PLB1: variants seen among roughly 807,000 people sequenced by gnomAD.
The protein encoded by PLB1 is phospholipase B1, membrane-associated.
PLB1 carries 242 observed loss-of-function variants against 227.4 expected under a neutral mutation model. The ratio of observed to expected loss-of-function variants is 1.06; its 90% CI spans 0.96 to 1.18. PLB1 has a LOEUF of 1.18. Ranked by LOEUF, PLB1 falls within the 50% of genes most tolerant of loss-of-function variation. The pLI, the probability that PLB1 is intolerant of heterozygous loss-of-function variation, is 0.00. For missense variants in PLB1, 1,858 were observed against 1,816.3 expected, an observed-to-expected ratio of 1.02 and a Z score of -0.42; for synonymous variants, 757 against 682.2, an observed-to-expected ratio of 1.11 and a Z score of -1.71.
At chr2:28,636,011 A>G (rs62129772) in intron 56 of PLB1, among the ~76,000 whole-genome samples, 47 of 98,590 alleles carry the variant, frequency 4.8e-4, no homozygotes, top group Admixed American at 1.5e-3. Flanking sequence ...ATGTGTATGT[A>G]TGTATGAATG....
At chr2:28,546,022 C>T (rs1673203112) in intron 14 of PLB1, among the ~76,000 whole-genome samples, 3 of 152,154 alleles carry the variant, frequency 2.0e-5, no homozygotes, top group Non-Finnish European at 4.4e-5. Flanking sequence ...TCCTCCAAGC[C>T]CTAGCATAGG....
Position 28,539,185 on chromosome 2 carries a change from G to C in PLB1, c.698+7G>C. The C allele has an allele frequency of 1.2e-6, 2 of 1,610,266 alleles. No individual in the cohort carries two copies. Among genetic ancestry groups the C allele is most frequent in the Non-Finnish European group, 1.7e-6 (2 of 1,176,448 alleles). Reference sequence around the variant, plus strand: ...ATCACGGCACTTGGCTCAGGTAAAAGGGGAAGTGGAATGAGACACGCATCT... The same window carrying C: ...ATCACGGCACTTGGCTCAGGTAAAACGGGAAGTGGAATGAGACACGCATCT... On this transcript the variant is annotated splice_region_variant and intron_variant, in intron 11 of 57. Transcript: ENST00000327757.
At chr2:28,600,018 C>T (rs1385565528) in intron 35 of PLB1, among the ~76,000 whole-genome samples, 2 of 152,138 alleles carry the variant, frequency 1.3e-5, no homozygotes, top group African/African-American at 4.8e-5. Flanking sequence ...AGCAATCATC[C>T]CACCTCAGCC....
At chr2:28,628,664 G>T in intron 52 of PLB1, 36 bp downstream of exon 52, 1 of 1,601,392 alleles carries the variant, frequency 6.2e-7, no homozygotes, top group Non-Finnish European at 8.6e-7. Flanking sequence ...GGTCCCGCCA[G>T]CCACCTCCCT....
intron 21 of PLB1, among the ~76,000 whole-genome samples, chr2:28,576,666 G>A (rs528831053): frequency 1.3e-5 from 2 of 152,160 alleles, no homozygotes; most frequent in Non-Finnish European, 2.9e-5. Context: ...GGAGGTGGAG[G>A]TTGCAGTGAA....
At chr2:28,587,480 C>T (rs1681096797) in intron 26 of PLB1, among the ~76,000 whole-genome samples, 1 of 152,120 alleles carries the variant, frequency 6.6e-6, no homozygotes, top group African/African-American at 2.4e-5. Flanking sequence ...CGTGGTGGCA[C>T]ATGCCTGTAG....
chr2:28,601,180 T>A (rs1683813575), intron 36 of PLB1, 72 bp from the exon 37 acceptor site: 1 of 1,298,454 alleles, frequency 7.7e-7, no homozygotes, highest in South Asian at 1.2e-5. Context: ...GAGGGTTGAA[T>A]GGATTTCCTA....
At chr2:28,561,812 CG>C (rs1676090727) in intron 17 of PLB1, among the ~76,000 whole-genome samples, 1 of 152,012 alleles carries the variant, frequency 6.6e-6, no homozygotes, top group African/African-American at 2.4e-5. Flanking sequence ...CACTTGAGCC[CG>C]GGAGGTCGAG....
At chr2:28,587,528 T>G (rs1681106923) in intron 26 of PLB1, among the ~76,000 whole-genome samples, 1 of 151,990 alleles carries the variant, frequency 6.6e-6, no homozygotes, top group Non-Finnish European at 1.5e-5. Context: ...GAGGATCACT[T>G]GAGCCCAGGA....
intron 13 of PLB1, among the ~76,000 whole-genome samples, chr2:28,542,180 G>A (rs1325098403): frequency 2.0e-5 from 3 of 151,394 alleles, no homozygotes; most frequent in Admixed American, 2.0e-4. Flanking sequence ...AGGAGGCCTG[G>A]GCCATACATC....
rs548125647 is a variant in PLB1 at position 28,573,227 on chromosome 2, A to G, written c.1355A>G (p.Lys452Arg). 1 of 1,614,116 alleles carries G rather than the reference A, an allele frequency of 6.2e-7. No individual in the cohort carries two copies. Among genetic ancestry groups the G allele is most frequent in the Admixed American group, 1.7e-5 (1 of 60,016 alleles). ...NILREFNPSL[K>R]GFSVGTGKET... ...CTCCGGGAATTCAACCCTTCCCTGAAGGGCTTCTCTGTTGGCACTGGGAAA... is the reference window on the plus strand; with the variant it reads ...CTCCGGGAATTCAACCCTTCCCTGAGGGGCTTCTCTGTTGGCACTGGGAAA... Residue 452 changes from lysine to arginine, a missense_variant, in exon 21 of 58, where the codon AAG (lysine) becomes AGG (arginine). Transcript: ENST00000327757.
intron 39 of PLB1, among the ~76,000 whole-genome samples, chr2:28,603,364 C>G (rs974414723): frequency 6.6e-6 from 1 of 152,188 alleles, no homozygotes; most frequent in Non-Finnish European, 1.5e-5. Flanking sequence ...GTTTCTTAAA[C>G]TGGGCCATAA....
chr2:28,579,572 T>G, intron 22 of PLB1, 55 bp from the exon 23 acceptor site: 3 of 1,434,726 alleles, frequency 2.1e-6, no homozygotes, highest in South Asian at 1.1e-5. Context: ...TTTTGTGTTT[T>G]CCTTGACTTG....
At position 28,519,452 on chromosome 2, in the gene PLB1, G is replaced by A. The variant is rs147408697; in HGVS notation, c.185-253G>A. Reference sequence around the variant, plus strand: ...GAAGGCCATGAGTGACCTTCCATGGGTCACCTGTTTGGACAGCTCAAGTCC... The same window carrying A: ...GAAGGCCATGAGTGACCTTCCATGGATCACCTGTTTGGACAGCTCAAGTCC... On this transcript the variant is annotated intron_variant, in intron 3 of 57. Transcript: ENST00000327757. 3.2e-3 allele frequency among the ~76,000 whole-genome samples: 492 copies of A among 152,306 alleles called. 3 individuals carry two copies. The highest frequency in any genetic ancestry group is 0.011 in the African/African-American group (437 of 41,558).
chr2:28,562,778 C>T (rs1168216941), intron 17 of PLB1, among the ~76,000 whole-genome samples: 1 of 152,086 alleles, frequency 6.6e-6, no homozygotes, highest in African/African-American at 2.4e-5. Context: ...CACAGCTCCC[C>T]ACTTAAAGCA....
intron 9 of PLB1, among the ~76,000 whole-genome samples, chr2:28,536,878 G>A (rs1041596352): frequency 1.3e-5 from 2 of 152,182 alleles, no homozygotes; most frequent in African/African-American, 4.8e-5. Flanking sequence ...CTCTGCAGCT[G>A]CAAGTAAACA....
At chr2:28,507,030 C>T (rs1250537499) in intron 1 of PLB1, among the ~76,000 whole-genome samples, 1 of 152,176 alleles carries the variant, frequency 6.6e-6, no homozygotes, top group Non-Finnish European at 1.5e-5. Context: ...ATCAACACAC[C>T]TGCCACCATC....
At chr2:28,562,215 A>G (rs1676158229) in intron 17 of PLB1, among the ~76,000 whole-genome samples, 1 of 152,102 alleles carries the variant, frequency 6.6e-6, no homozygotes, top group South Asian at 2.1e-4. Context: ...TCACCTTTAA[A>G]TGGTTAATTT....
intron 11 of PLB1, 57 bp from the exon 12 acceptor site, chr2:28,540,309 C>T: frequency 1.4e-6 from 2 of 1,467,570 alleles, no homozygotes; most frequent in African/African-American, 1.4e-5. Context: ...TGGATGCATC[C>T]CCTTCCCTGC....
Sources: gnomAD v4.1 joint callset for allele counts (sites outside exome capture counted in the v4.1 genomes callset) on GRCh38, gnomAD v4.1.1 for gene constraint, MANE v1.5 for transcripts, NCBI Gene and HGNC (gene_info 2026-07-23, HGNC 2026-07-21) for gene names.